PHKB: variants seen among roughly 807,000 people sequenced by gnomAD.
PHKB encodes the protein phosphorylase b kinase regulatory subunit beta.
Under a neutral mutation model 152.1 loss-of-function variants are expected in PHKB, and 122 were observed. The ratio of observed to expected loss-of-function variants is 0.80; its 90% CI spans 0.69 to 0.93. The LOEUF is 0.93. Among genes scored for constraint, PHKB ranks in the 40% least tolerant of loss-of-function variants. The pLI, the probability that PHKB is intolerant of heterozygous loss-of-function variation, is 0.00. For synonymous variants in PHKB, 436 were observed against 464.9 expected (o/e 0.94, Z 0.80); for missense variants, 1,304 against 1,328.4 (o/e 0.98, Z 0.29).
intron 5 of PHKB, among the ~76,000 whole-genome samples, chr16:47,514,615 G>A (rs573286067): frequency 9.2e-5 from 14 of 152,288 alleles, no homozygotes; most frequent in African/African-American, 2.9e-4. Context: ...GCCAACTCAC[G>A]TGCCAGCTTC....
intron 14 of PHKB, among the ~76,000 whole-genome samples, chr16:47,623,895 T>C (rs1340489442): frequency 3.9e-5 from 6 of 152,170 alleles, no homozygotes; most frequent in Non-Finnish European, 8.8e-5. Flanking sequence ...CCTTAATTGC[T>C]TATTTCTTCT....
chr16:47,520,035 T>G (rs188197689), intron 6 of PHKB, among the ~76,000 whole-genome samples: 1 of 152,306 alleles, frequency 6.6e-6, no homozygotes, highest in East Asian at 1.9e-4. Context: ...TGTCCTAGAT[T>G]CTACCTTTTG....
chr16:47,634,931 G>A (rs780516150), intron 14 of PHKB, among the ~76,000 whole-genome samples: 15 of 152,112 alleles, frequency 9.9e-5, no homozygotes, highest in Non-Finnish European at 1.9e-4. Flanking sequence ...TGGGTGGGGT[G>A]GAGTAGTAGT....
chr16:47,679,418 C>G (rs1352293133), intron 26 of PHKB, among the ~76,000 whole-genome samples: 1 of 152,156 alleles, frequency 6.6e-6, no homozygotes, highest in African/African-American at 2.4e-5. Context: ...AATGTTCTTC[C>G]ATTTGTTTGT....
intron 7 of PHKB, 101 bp from the exon 8 acceptor site, chr16:47,580,194 A>G: frequency 1.2e-6 from 1 of 843,082 alleles, no homozygotes; most frequent in Non-Finnish European, 2.0e-6. Context: ...GTTGTTATAA[A>G]TGTTAATAAA....
chr16:47,494,785 T>G (rs1372535419), intron 1 of PHKB, among the ~76,000 whole-genome samples: 1 of 152,254 alleles, frequency 6.6e-6, no homozygotes, highest in East Asian at 1.9e-4. Context: ...CATGCTCTAT[T>G]AATTGCTGTC....
intron 1 of PHKB, among the ~76,000 whole-genome samples, chr16:47,481,949 T>C (rs1323715901): frequency 6.6e-6 from 1 of 152,202 alleles, no homozygotes. Flanking sequence ...CTTTTAGCTA[T>C]GAAGACGTTC....
intron 7 of PHKB, chr16:47,565,283 T>C (rs2151684174): frequency 2.7e-6 from 2 of 727,356 alleles, no homozygotes; most frequent in East Asian, 2.7e-5. Context: ...TCCTGGACCA[T>C]GGCTAGAGTT....
In PHKB at chr16:47,685,382, G is replaced by A. The variant is rs531081369; in HGVS notation, c.2631-3659G>A. Among the ~76,000 whole-genome samples the A allele has an allele frequency of 2.0e-4, 31 of 152,154 alleles. No individual in the cohort carries two copies. In the South Asian group the frequency reaches 5.4e-3, roughly 27 times the overall value. On this transcript the variant is annotated intron_variant, in intron 26 of 30. Transcript: ENST00000323584. ...GGAGGTTGCGGTGAGCCAAGATCAC[G>A]CCATTGCACTCCAGCCTGGGTGACA...
At chr16:47,517,594 T>C (rs1261724005) in intron 6 of PHKB, among the ~76,000 whole-genome samples, 1 of 152,180 alleles carries the variant, frequency 6.6e-6, no homozygotes, top group Non-Finnish European at 1.5e-5. Flanking sequence ...AAAATTTTAC[T>C]TTTTGCTTTC....
chr16:47,518,712 G>T (rs1216943462), intron 6 of PHKB, among the ~76,000 whole-genome samples: 2 of 152,054 alleles, frequency 1.3e-5, no homozygotes, highest in Non-Finnish European at 2.9e-5. Context: ...CTGTAGTTCT[G>T]CCCTTGTACT....
At chr16:47,630,808 T>C (rs557665817) in intron 14 of PHKB, among the ~76,000 whole-genome samples, 3 of 152,300 alleles carry the variant, frequency 2.0e-5, no homozygotes, top group African/African-American at 7.2e-5. Flanking sequence ...CCTCATCCAA[T>C]CAGCTAAAAG....
intron 14 of PHKB, among the ~76,000 whole-genome samples, chr16:47,612,922 T>C (rs1361844485): frequency 6.6e-6 from 1 of 152,208 alleles, no homozygotes; most frequent in Non-Finnish European, 1.5e-5. Flanking sequence ...TCCCCAGATG[T>C]GCAGCCCTCT....
At chr16:47,532,487 C>G (rs928220800) in intron 6 of PHKB, among the ~76,000 whole-genome samples, 2 of 152,190 alleles carry the variant, frequency 1.3e-5, no homozygotes, top group African/African-American at 4.8e-5. Context: ...CCCATGCCTG[C>G]CAAGGATGAG....
chr16:47,504,908 G>A (rs77487972), intron 4 of PHKB, among the ~76,000 whole-genome samples: 2 of 152,228 alleles, frequency 1.3e-5, no homozygotes, highest in Non-Finnish European at 2.9e-5. Context: ...GGAGCACCAG[G>A]GCACGTGTTA....
intron 20 of PHKB, 131 bp downstream of exon 20, chr16:47,651,052 TA>T: frequency 1.4e-6 from 1 of 723,678 alleles, no homozygotes; most frequent in Non-Finnish European, 2.5e-6. Flanking sequence ...TTCCTATTCC[TA>T]TTGTCACTTT....
chr16:47,461,342 C>G lies in PHKB; in HGVS notation c.-9C>G. The G allele has an allele frequency of 6.2e-7, 1 of 1,606,094 alleles. No homozygotes were observed. The highest frequency in any genetic ancestry group is 8.5e-7 in the Non-Finnish European group (1 of 1,176,672). On this transcript the variant is annotated 5_prime_UTR_variant, in exon 1 of 31. Transcript: ENST00000323584. ...CGGGGGCGGTGGCCAAGGCGGCGAC[C>G]GGAGCGCGATGGCGGGGGCGGCGGG...
intron 7 of PHKB, 123 bp from the exon 8 acceptor site, chr16:47,580,169 ATTC>A (rs1971818075): frequency 2.7e-6 from 2 of 750,986 alleles, no homozygotes; most frequent in Non-Finnish European, 4.7e-6. Flanking sequence ...CTTAGACATT[ATTC>A]TTCTTACAGA....
intron 1 of PHKB, among the ~76,000 whole-genome samples, chr16:47,472,128 A>AT (rs1468737236): frequency 6.6e-6 from 1 of 152,224 alleles, no homozygotes; most frequent in Non-Finnish European, 1.5e-5. Flanking sequence ...AGTTAGTTTT[A>AT]TATCATGATG....
Sources: allele counts gnomAD v4.1 joint callset (sites outside exome capture counted in the v4.1 genomes callset), GRCh38; gene constraint gnomAD v4.1.1; transcripts MANE v1.5; gene names NCBI Gene and HGNC (gene_info 2026-07-23, HGNC 2026-07-21).